Variants in DLG2 observed in about 807,000 individuals in gnomAD.
The protein encoded by DLG2 is discs large MAGUK scaffold protein 2, also known as disks large homolog 2.
DLG2 carries 45 observed loss-of-function variants against 132.5 expected under a neutral mutation model. The ratio of observed to expected loss-of-function variants is 0.34; its 90% CI spans 0.27 to 0.44. DLG2 has a LOEUF of 0.44. DLG2 is among the 20% of genes least tolerant of loss of function. The pLI, the probability that DLG2 is intolerant of heterozygous loss-of-function variation, is 1.00. For synonymous variants in DLG2, 424 were observed against 419.6 expected, an observed-to-expected ratio of 1.01 and a Z score of -0.13; for missense variants, 1,045 against 1,196.9, an observed-to-expected ratio of 0.87 and a Z score of 1.87.
chr11:84,267,739 C>T (rs746216635), intron 7 of DLG2, among the ~76,000 whole-genome samples: 1 of 152,146 alleles, frequency 6.6e-6, no homozygotes, highest in South Asian at 2.1e-4. Context: ...AGTTTCTCAC[C>T]TCCTTTTCTT....
intron 7 of DLG2, among the ~76,000 whole-genome samples, chr11:84,378,350 T>A (rs1175224741): frequency 2.0e-5 from 3 of 152,082 alleles, no homozygotes; most frequent in Non-Finnish European, 4.4e-5. Flanking sequence ...CAAGAAAAGG[T>A]TCCTCACCAG....
intron 7 of DLG2, among the ~76,000 whole-genome samples, chr11:84,402,161 C>T (rs1407679597): frequency 1.3e-5 from 2 of 151,990 alleles, no homozygotes; most frequent in Non-Finnish European, 1.5e-5. Flanking sequence ...AATTTTGAAA[C>T]TGTAGGAAAG....
rs79872321 is a variant in DLG2, at chr11:84,044,797, G to C, written c.919+14518C>G. Among the ~76,000 whole-genome samples the C allele has an allele frequency of 4.8e-4, 73 of 151,812 alleles. 1 individual carries two copies. In the East Asian group the frequency reaches 0.011, roughly 23 times the overall value. On this transcript the variant is annotated intron_variant, in intron 11 of 27. Coordinates refer to ENST00000376104, the MANE Select transcript of DLG2 (RefSeq NM_001142699.3). ...AAAGATAAGCCTACTAGCTCAGTGTGCTCTTCTCTGGATTTAATGGTATCA... is the reference window on the plus strand; with the variant it reads ...AAAGATAAGCCTACTAGCTCAGTGTCCTCTTCTCTGGATTTAATGGTATCA...
chr11:83,954,205 C>T lies in DLG2; in HGVS notation c.1340+8680G>A, dbSNP rs111487773. 2.2e-3 allele frequency among the ~76,000 whole-genome samples: 337 copies of T among 152,196 alleles called. 4 individuals carry two copies. The highest frequency in any genetic ancestry group is 7.7e-3 in the African/African-American group (321 of 41,512). ...TCCTTGAAAGCAAACAGCAGCTTAA[C>T]GTGTTTTCTAATATATATTTGGATG... On this transcript the variant is annotated intron_variant, in intron 14 of 27. Coordinates refer to ENST00000376104, the MANE Select transcript of DLG2 (RefSeq NM_001142699.3).
intron 7 of DLG2, among the ~76,000 whole-genome samples, chr11:84,454,651 G>A (rs2099060622): frequency 1.3e-5 from 2 of 151,440 alleles, no homozygotes; most frequent in African/African-American, 4.8e-5. Context: ...ATACTGCTCA[G>A]CAATAAAAAG....
intron 7 of DLG2, among the ~76,000 whole-genome samples, chr11:84,373,265 C>CAAAAAAAAACAAAAAA (rs59038372): frequency 2.0e-5 from 2 of 98,090 alleles, no homozygotes; most frequent in African/African-American, 9.1e-5. Context: ...AAAAAAAAAA[C>CAAAAAAAAACAAAAAA]AAAACAAAAA....
At chr11:84,547,579 C>T (rs1000785681) in intron 6 of DLG2, among the ~76,000 whole-genome samples, 36 of 152,230 alleles carry the variant, frequency 2.4e-4, no homozygotes, top group African/African-American at 8.2e-4. Flanking sequence ...CATAACTTTC[C>T]CAACTCTTTT....
intron 6 of DLG2, among the ~76,000 whole-genome samples, chr11:85,039,136 G>T (rs1342345799): frequency 6.6e-6 from 1 of 151,644 alleles, no homozygotes; most frequent in African/African-American, 2.4e-5. Flanking sequence ...TAAATTTTTG[G>T]AATTGCTGCT....
chr11:83,570,863 T>G (rs2096784500), intron 19 of DLG2, among the ~76,000 whole-genome samples: 1 of 152,132 alleles, frequency 6.6e-6, no homozygotes, highest in South Asian at 2.1e-4. Context: ...TCAGGTTAAA[T>G]GACAGATGAG....
At chr11:85,580,621 C>T (rs1442672531) in intron 3 of DLG2, among the ~76,000 whole-genome samples, 1 of 152,000 alleles carries the variant, frequency 6.6e-6, no homozygotes, top group Admixed American at 6.5e-5. Context: ...TATTATCATC[C>T]CCAATTTACA....
chr11:85,578,336 T>A lies in DLG2; in HGVS notation c.40+20321A>T, dbSNP rs116235395. Among the ~76,000 whole-genome samples, 947 of 152,094 alleles carry A rather than the reference T, an allele frequency of 6.2e-3. 9 individuals are homozygous for A. Among genetic ancestry groups the A allele is most frequent in the African/African-American group, 0.022 (922 of 41,500 alleles). On this transcript the variant is annotated intron_variant, in intron 3 of 27. Transcript: ENST00000376104. ...CATTCTGGACATGGGAATGGGCAAA[T>A]AATTCATGATAAAGATGCCAAAAGC...
rs184822358 is a variant in DLG2 at position 84,517,394 on chromosome 11, T to C, written c.519+17176A>G. 1.6e-3 allele frequency among the ~76,000 whole-genome samples: 239 copies of C among 151,666 alleles called. 2 individuals are homozygous for C. The highest frequency in any genetic ancestry group is 5.4e-3 in the African/African-American group (224 of 41,398). On this transcript the variant is annotated intron_variant, in intron 7 of 27. Transcript: ENST00000376104. ...CAAATGGCCAAGAAGAATATGAAAA[T>C]ATTTTCAATATCACTAATCATCAGG...
intron 3 of DLG2, among the ~76,000 whole-genome samples, chr11:85,445,558 T>C (rs2091971514): frequency 6.6e-6 from 1 of 152,158 alleles, no homozygotes; most frequent in Non-Finnish European, 1.5e-5. Context: ...CCTGCGCCTG[T>C]AATCCCAGCT....
chr11:85,600,064 T>C (rs2080045931), intron 2 of DLG2, among the ~76,000 whole-genome samples: 1 of 152,060 alleles, frequency 6.6e-6, no homozygotes, highest in South Asian at 2.1e-4. Context: ...TCTCAGCTGA[T>C]GGTATTACTT....
At chr11:84,422,313 C>T (rs1250014094) in intron 7 of DLG2, among the ~76,000 whole-genome samples, 2 of 152,134 alleles carry the variant, frequency 1.3e-5, no homozygotes, top group African/African-American at 4.8e-5. Context: ...ACAATAGCAA[C>T]AAAACTGAGC....
intron 19 of DLG2, among the ~76,000 whole-genome samples, chr11:83,556,573 T>C (rs895273569): frequency 5.3e-5 from 8 of 152,124 alleles, no homozygotes; most frequent in Non-Finnish European, 1.0e-4. Flanking sequence ...AGTTTTGCCA[T>C]GTTGCCCAGG....
At chr11:85,173,201 A>C (rs2078998942) in intron 4 of DLG2, among the ~76,000 whole-genome samples, 1 of 152,172 alleles carries the variant, frequency 6.6e-6, no homozygotes, top group Admixed American at 6.6e-5. Context: ...TGAAAGAAAA[A>C]AATGGTTAAG....
intron 14 of DLG2, among the ~76,000 whole-genome samples, chr11:83,940,044 C>T (rs111849615): frequency 0.032 from 4,915 of 152,248 alleles, 183 homozygotes; most frequent in African/African-American, 0.092. Context: ...GTCTTCTGTG[C>T]CTGTTACTGT....
chr11:85,467,700 A>G (rs760655835), intron 3 of DLG2, among the ~76,000 whole-genome samples: 1 of 152,060 alleles, frequency 6.6e-6, no homozygotes, highest in Non-Finnish European at 1.5e-5. Flanking sequence ...TGTGCCCCTG[A>G]ATTCAGTTTG....
Sources: gnomAD v4.1 joint callset for allele counts (sites outside exome capture counted in the v4.1 genomes callset) on GRCh38, gnomAD v4.1.1 for gene constraint, MANE v1.5 for transcripts, NCBI Gene and HGNC (gene_info 2026-07-23, HGNC 2026-07-21) for gene names.